The following DGKB variants were observed in gnomAD, a reference collection of about 807,000 sequenced individuals.
DGKB encodes 90 kDa diacylglycerol kinase.
DGKB carries 67 observed loss-of-function variants against 114.3 expected under a neutral mutation model. That is an observed-to-expected ratio of 0.59 (90% confidence interval 0.48 to 0.72). DGKB has a LOEUF of 0.72. Ranked by LOEUF, DGKB falls within the 30% of genes least tolerant of loss-of-function variation. DGKB has a pLI of 0.00. For synonymous variants in DGKB, 398 were observed against 323.1 expected (o/e 1.23, Z -2.49); for missense variants, 907 against 975.2 (o/e 0.93, Z 0.93).
chr7:14,577,928 G>A (rs889489976), intron 19 of DGKB, among the ~76,000 whole-genome samples: 1 of 152,128 alleles, frequency 6.6e-6, no homozygotes, highest in South Asian at 2.1e-4. Context: ...TACTGCAACT[G>A]CATAAAGTAC....
chr7:14,949,365 C>G (rs897460073), intron 1 of DGKB, among the ~76,000 whole-genome samples: 6 of 151,816 alleles, frequency 4.0e-5, no homozygotes, highest in Non-Finnish European at 7.4e-5. Context: ...CCGCTTCTAA[C>G]TGTATTTTTA....
At chr7:14,159,840 T>C (rs553105993) in intron 25 of DGKB, among the ~76,000 whole-genome samples, 1 of 151,966 alleles carries the variant, frequency 6.6e-6, no homozygotes, top group South Asian at 2.1e-4. Flanking sequence ...GCCCAGCTAA[T>C]TTTTGTATTT....
At chr7:14,466,002 C>A (rs1780416323) in intron 21 of DGKB, among the ~76,000 whole-genome samples, 1 of 151,708 alleles carries the variant, frequency 6.6e-6, no homozygotes, top group African/African-American at 2.4e-5. Context: ...ACAAGCTGGC[C>A]TAAGAACAGA....
At chr7:14,215,873 T>G (rs1258858154) in intron 23 of DGKB, among the ~76,000 whole-genome samples, 1 of 152,152 alleles carries the variant, frequency 6.6e-6, no homozygotes, top group Non-Finnish European at 1.5e-5. Flanking sequence ...TTAAAAAAAT[T>G]TATTTATACA....
Position 14,466,687 on chromosome 7 carries a change from G to A in DGKB, c.1835+11474C>T, listed in dbSNP as rs533137012. Among the ~76,000 whole-genome samples, 12 of 151,856 alleles carry A rather than the reference G, an allele frequency of 7.9e-5. No individual in the cohort carries two copies. The South Asian group carries it at 2.3e-3, about 29-fold the overall frequency. ...ACAAAAATTAGCTGGGCATGGTGGT[G>A]CACATCTGTAGTCCCAGCTACTTAG... On this transcript the variant is annotated intron_variant, in intron 21 of 25. Coordinates refer to ENST00000402815, the MANE Select transcript of DGKB (RefSeq NM_001350709.2).
At chr7:14,962,299 AT>A in intron 1 of DGKB, among the ~76,000 whole-genome samples, 1 of 152,216 alleles carries the variant, frequency 6.6e-6, no homozygotes, top group South Asian at 2.1e-4. Context: ...ATCTATTTGC[AT>A]TTTTTACTTC....
intron 1 of DGKB, among the ~76,000 whole-genome samples, chr7:14,873,144 T>C (rs1852735016): frequency 6.6e-6 from 1 of 152,134 alleles, no homozygotes; most frequent in Admixed American, 6.5e-5. Flanking sequence ...AGAATTTTCA[T>C]GAATGTTCGT....
intron 17 of DGKB, among the ~76,000 whole-genome samples, chr7:14,591,772 A>T (rs984381232): frequency 8.6e-5 from 13 of 152,044 alleles, no homozygotes; most frequent in Admixed American, 7.9e-4. Flanking sequence ...ATTACTAAAA[A>T]CAAATCCAGA....
At chr7:14,354,397 G>C (rs1260087760) in intron 21 of DGKB, among the ~76,000 whole-genome samples, 1 of 152,142 alleles carries the variant, frequency 6.6e-6, no homozygotes, top group Non-Finnish European at 1.5e-5. Context: ...TTGGGTATCA[G>C]GGGAGGTTAG....
At chr7:14,665,617 A>AT (rs1817896224) in intron 13 of DGKB, among the ~76,000 whole-genome samples, 1 of 152,012 alleles carries the variant, frequency 6.6e-6, no homozygotes, top group Admixed American at 6.6e-5. Flanking sequence ...AACAGAAATG[A>AT]TTTTTGTGAT....
intron 13 of DGKB, among the ~76,000 whole-genome samples, chr7:14,641,805 T>C (rs772188811): frequency 6.6e-6 from 1 of 152,124 alleles, no homozygotes; most frequent in South Asian, 2.1e-4. Context: ...CATTTTTTTA[T>C]TACTCTTCGT....
intron 5 of DGKB, among the ~76,000 whole-genome samples, chr7:14,728,328 A>G (rs1830323617): frequency 6.6e-6 from 1 of 152,170 alleles, no homozygotes; most frequent in Non-Finnish European, 1.5e-5. Context: ...AAAATCTCAT[A>G]ATGGCTTTCC....
At chr7:14,904,461 T>C (rs1783559794), upstream of DGKB, among the ~76,000 whole-genome samples, 1 of 151,818 alleles carries the variant, frequency 6.6e-6, no homozygotes, top group Non-Finnish European at 1.5e-5. Flanking sequence ...AGAAAGAAAA[T>C]ATAAGAAAAG....
At chr7:14,904,219 TACACAC>T (rs10624589), upstream of DGKB, among the ~76,000 whole-genome samples, 1 of 150,746 alleles carries the variant, frequency 6.6e-6, no homozygotes, top group Non-Finnish European at 1.5e-5. Context: ...CCCTCCTAAA[TACACAC>T]ACACACACAC....
At chr7:14,836,827 G>A (rs1382268519) in intron 2 of DGKB, among the ~76,000 whole-genome samples, 1 of 152,198 alleles carries the variant, frequency 6.6e-6, no homozygotes, top group Non-Finnish European at 1.5e-5. Context: ...CAGAGCGGAG[G>A]CTGCCAATTA....
At chr7:14,792,720 T>C in intron 2 of DGKB, among the ~76,000 whole-genome samples, 1 of 133,554 alleles carries the variant, frequency 7.5e-6, no homozygotes, top group African/African-American at 3.3e-5. Flanking sequence ...TAGTTACACT[T>C]CATCTTTTTG....
At chr7:14,698,425 T>A (rs997395816) in intron 7 of DGKB, among the ~76,000 whole-genome samples, 1 of 152,110 alleles carries the variant, frequency 6.6e-6, no homozygotes, top group Admixed American at 6.5e-5. Context: ...AAAAATACAT[T>A]TTCTTCTACT....
chr7:14,214,660 T>C (rs2128313144), intron 23 of DGKB, among the ~76,000 whole-genome samples: 1 of 152,250 alleles, frequency 6.6e-6, no homozygotes, highest in African/African-American at 2.4e-5. Flanking sequence ...TATCCTGCTC[T>C]CTCCTATTAC....
chr7:14,944,171 T>C (rs1202818199), intron 1 of DGKB, among the ~76,000 whole-genome samples: 1 of 151,990 alleles, frequency 6.6e-6, no homozygotes. Context: ...TTCTACCTGC[T>C]AGTGGCAAAA....
Sources: gnomAD v4.1 joint callset for allele counts (sites outside exome capture counted in the v4.1 genomes callset) on GRCh38, gnomAD v4.1.1 for gene constraint, MANE v1.5 for transcripts, NCBI Gene and HGNC (gene_info 2026-07-23, HGNC 2026-07-21) for gene names.